The following FUT8 variants were observed in gnomAD, a reference collection of about 807,000 sequenced individuals.
FUT8 encodes alpha-(1,6)-fucosyltransferase.
FUT8 carries 29 observed loss-of-function variants against 71.3 expected under a neutral mutation model. The ratio of observed to expected loss-of-function variants is 0.41; its 90% CI spans 0.30 to 0.55. The LOEUF (loss-of-function observed/expected upper bound fraction) is 0.55, where lower values mean the gene tolerates loss of function less well. Ranked by LOEUF, FUT8 falls within the 20% of genes least tolerant of loss-of-function variation. FUT8 has a pLI of 0.34. For synonymous variants in FUT8, 254 were observed against 239.3 expected, an observed-to-expected ratio of 1.06 and a Z score of -0.57; for missense variants, 544 against 702.1, an observed-to-expected ratio of 0.77 and a Z score of 2.55.
At chr14:65,372,810 G>A in the FUT8 span, among the ~76,000 whole-genome samples, 1 of 152,056 alleles carries the variant, frequency 6.6e-6, no homozygotes, top group African/African-American at 2.4e-5. Context: ...AGCCTCTTCT[G>A]CTTCCTTCAT....
intron 1 of FUT8, among the ~76,000 whole-genome samples, chr14:65,448,853 A>AT (rs1358035339): frequency 3.3e-5 from 5 of 152,216 alleles, no homozygotes; most frequent in African/African-American, 1.2e-4. Context: ...ACTGTAATAG[A>AT]TACTGATACG....
At chr14:65,549,791 A>G (rs570802356) in intron 2 of FUT8, among the ~76,000 whole-genome samples, 35 of 152,280 alleles carry the variant, frequency 2.3e-4, no homozygotes, top group African/African-American at 7.9e-4. Flanking sequence ...AAGTCCTATC[A>G]ACAGTGGCTA....
intron 3 of FUT8, among the ~76,000 whole-genome samples, chr14:65,592,300 T>A (rs1887734700): frequency 6.6e-6 from 1 of 151,990 alleles, no homozygotes; most frequent in Admixed American, 6.6e-5. Flanking sequence ...AATGACTAGA[T>A]TTGAGTGGTG....
chr14:65,522,776 A>G (rs763786459), intron 2 of FUT8, among the ~76,000 whole-genome samples: 4 of 138,554 alleles, frequency 2.9e-5, no homozygotes, highest in Non-Finnish European at 6.1e-5. Context: ...CCTGTGTCCA[A>G]GTGTTCGCAT....
At chr14:65,602,862 T>TG (rs2140175334) in intron 3 of FUT8, among the ~76,000 whole-genome samples, 1 of 152,040 alleles carries the variant, frequency 6.6e-6, no homozygotes, top group Admixed American at 6.6e-5. Context: ...CACTTTTTGA[T>TG]GCGATTGTTT....
chr14:65,654,060 A>G (rs914504202), intron 6 of FUT8, among the ~76,000 whole-genome samples: 1 of 152,232 alleles, frequency 6.6e-6, no homozygotes, highest in Non-Finnish European at 1.5e-5. Flanking sequence ...GGAATTGCCT[A>G]ATCTTCTCCT....
intron 2 of FUT8, among the ~76,000 whole-genome samples, chr14:65,539,279 G>A (rs1169337235): frequency 6.6e-6 from 1 of 152,158 alleles, no homozygotes; most frequent in African/African-American, 2.4e-5. Flanking sequence ...TACTTTGGTA[G>A]TGTGTTCCCT....
At position 65,467,959 on chromosome 14, in the gene FUT8, C is replaced by T. The variant is rs1053101892; in HGVS notation, c.-228+12241C>T. ...GCTTCTTTCTTTTTCCGATCATTTT[C>T]CTTTACGTGTTTCAGGAAGCTATTT... On this transcript the variant is annotated intron_variant, in intron 2 of 10. Coordinates refer to ENST00000673929, the MANE Select transcript of FUT8 (RefSeq NM_001371533.1). This position sits in a 1 kb window ranked among gnomAD's most constrained non-coding sequence, Gnocchi z 4.1. 2 of 721,582 alleles carry T rather than the reference C, an allele frequency of 2.8e-6. No homozygotes were observed. The highest frequency in any genetic ancestry group is 5.2e-6 in the Non-Finnish European group (2 of 385,124). The allele number at this position is 721,582 out of a possible 1,614,324, so 44.7% of individuals were successfully genotyped here.
In FUT8 at chr14:65,467,106, A is replaced by G. The variant is rs754254231; in HGVS notation, c.-228+11388A>G. On this transcript the variant is annotated intron_variant, in intron 2 of 10. Coordinates refer to ENST00000673929, the MANE Select transcript of FUT8 (RefSeq NM_001371533.1). This position sits in a 1 kb window ranked among gnomAD's most constrained non-coding sequence, Gnocchi z 4.1. ...TTTTTGTAATCCATATTTCTGATCT[A>G]TATAATTTTCCTTCTTTCTGAATAA... Among the ~76,000 whole-genome samples, 33 of 151,984 alleles carry G rather than the reference A, an allele frequency of 2.2e-4. No individual in the cohort carries two copies. The highest frequency in any genetic ancestry group is 4.4e-4 in the Non-Finnish European group (30 of 67,998).
intron 2 of FUT8, among the ~76,000 whole-genome samples, chr14:65,508,467 A>C (rs1251693814): frequency 1.6e-5 from 1 of 63,146 alleles, no homozygotes; most frequent in Non-Finnish European, 3.6e-5. Flanking sequence ...TGGATTATTA[A>C]TTTTTTCCTG....
intron 2 of FUT8, chr14:65,468,143 T>TA (rs2066074553): frequency 3.1e-6 from 2 of 638,352 alleles, no homozygotes; most frequent in South Asian, 3.0e-5. Context: ...GCATGTTGGG[T>TA]AACACTGCAG....
intron 2 of FUT8, among the ~76,000 whole-genome samples, chr14:65,481,710 T>C (rs924923514): frequency 1.3e-5 from 2 of 152,226 alleles, no homozygotes; most frequent in Non-Finnish European, 2.9e-5. Context: ...ATGGAACTTC[T>C]AGTATATACT....
rs141747190 is a variant in FUT8 at position 65,716,087 on chromosome 14, A to G, written c.836-5688A>G. 7.9e-3 allele frequency among the ~76,000 whole-genome samples: 1,205 copies of G among 152,286 alleles called. 10 individuals carry two copies. The highest frequency in any genetic ancestry group is 0.012 in the Non-Finnish European group (786 of 68,008). On this transcript the variant is annotated intron_variant, in intron 7 of 10. Coordinates refer to ENST00000673929, the MANE Select transcript of FUT8 (RefSeq NM_001371533.1). ...TAATACTATCCATGTGCTGAGGAGA[A>G]GAATGTGTATTCTGCAGCCATTGGA...
intron 2 of FUT8, among the ~76,000 whole-genome samples, chr14:65,553,322 G>A (rs778048385): frequency 1.8e-4 from 28 of 151,876 alleles, no homozygotes; most frequent in Non-Finnish European, 4.0e-4. Context: ...CTTGACTTTT[G>A]TGCACTTCCA....
Position 65,470,786 on chromosome 14 carries a change from G to A in FUT8, c.-228+15068G>A, listed in dbSNP as rs571361539. Among the ~76,000 whole-genome samples, 6 of 152,060 alleles carry A rather than the reference G, an allele frequency of 3.9e-5. No individual in the cohort carries two copies. In the East Asian group the frequency reaches 1.2e-3, roughly 30 times the overall value. On this transcript the variant is annotated intron_variant, in intron 2 of 10. Coordinates refer to ENST00000673929, the MANE Select transcript of FUT8 (RefSeq NM_001371533.1). ...TGTCACTGGCTGGTCCCTGAAGTGG[G>A]CACCGCTCCCACTTCCTGCCTCAGG... is the stretch of plus-strand genomic sequence containing the variant.
At position 65,439,976 on chromosome 14, in the gene FUT8, A is replaced by G. The variant is rs1015373226; in HGVS notation, c.-325-15645A>G. Among the ~76,000 whole-genome samples, 15 of 137,338 alleles carry G rather than the reference A, an allele frequency of 1.1e-4. 3 individuals carry two copies. Among genetic ancestry groups the G allele is most frequent in the Middle Eastern group, 3.8e-3 (1 of 266 alleles). 90.1% of individuals were successfully genotyped at this position (137,338 alleles called of 152,430 possible). On this transcript the variant is annotated intron_variant, in intron 1 of 10. Transcript: ENST00000673929. ...TGTGTATATATATATATATATATATATATATATATATATATGTACACACAC... is the reference window on the plus strand; with the variant it reads ...TGTGTATATATATATATATATATATGTATATATATATATATGTACACACAC...
chr14:65,455,479 A>G (rs2065883684), intron 1 of FUT8, 142 bp from the exon 2 acceptor site: 2 of 389,600 alleles, frequency 5.1e-6, no homozygotes, highest in Non-Finnish European at 9.0e-6. Flanking sequence ...TGCTTACAGA[A>G]TAAGTCAGTG....
chr14:65,422,856 TGCCCAG>T (rs1490700374), intron 1 of FUT8, among the ~76,000 whole-genome samples: 1 of 151,790 alleles, frequency 6.6e-6, no homozygotes, highest in African/African-American at 2.4e-5. Flanking sequence ...CTCGCTGTAT[TGCCCAG>T]GCCCAGGCTG....
intron 6 of FUT8, among the ~76,000 whole-genome samples, chr14:65,666,456 C>CCCA (rs1892220910): frequency 6.6e-6 from 1 of 152,128 alleles, no homozygotes; most frequent in African/African-American, 2.4e-5. Context: ...TTCCTGGAAA[C>CCCA]ATACAACCTC....
Sources: gnomAD v4.1 joint callset for allele counts (sites outside exome capture counted in the v4.1 genomes callset) on GRCh38, gnomAD v4.1.1 for gene constraint, Gnocchi (gnomAD v3.1) non-coding constraint, MANE v1.5 for transcripts, NCBI Gene and HGNC (gene_info 2026-07-23, HGNC 2026-07-21) for gene names.